Variants in ABCB1 observed in about 807,000 individuals in gnomAD.
ABCB1 encodes ATP binding cassette subfamily B member 1, also known as ATP-dependent translocase ABCB1.
A neutral mutation model predicts 142.0 loss-of-function variants in ABCB1; 69 were observed. That is an observed-to-expected ratio of 0.49 (90% confidence interval 0.40 to 0.59). The LOEUF (loss-of-function observed/expected upper bound fraction) is 0.59, where lower values mean the gene tolerates loss of function less well. Among genes scored for constraint, ABCB1 ranks in the 20% least tolerant of loss-of-function variants. The probability of loss-of-function intolerance (pLI) is 0.00; values close to 1 mark genes in which losing one functional copy is unlikely to be tolerated. For missense variants in ABCB1, 1,326 were observed against 1,554.7 expected (o/e 0.85, Z 2.47); for synonymous variants, 532 against 539.2 (o/e 0.99, Z 0.18).
intron 20 of ABCB1, 120 bp downstream of exon 20, chr7:87,536,338 A>C (rs948227044): frequency 5.9e-6 from 5 of 848,228 alleles, no homozygotes; most frequent in Non-Finnish European, 8.0e-6. Flanking sequence ...TTCGTAGGTT[A>C]GATATTTATT....
intron 20 of ABCB1, among the ~76,000 whole-genome samples, chr7:87,532,436 C>G (rs1221816241): frequency 1.3e-5 from 2 of 152,146 alleles, no homozygotes; most frequent in Admixed American, 6.6e-5. Flanking sequence ...GGTAAAGAAG[C>G]CAGCCAAATC....
chr7:87,521,175 T>C, intron 21 of ABCB1: 1 of 412,048 alleles, frequency 2.4e-6, no homozygotes, highest in Non-Finnish European at 4.5e-6. Context: ...ACCAGAGAAC[T>C]CACAGTACTT....
rs2117053615 is a variant in ABCB1, at chr7:87,504,392, G to A, written c.3694C>T (p.His1232Tyr). The stretch of plus-strand genomic sequence containing the variant: ...GCATTCTGGATGGTGGACAGGCGGT[G>A]AGCAATCACAATGCAGGTGCGGCCT... ...REGRTCIVIA[H>Y]RLSTIQNADL... The change falls in exon 28 of 28, where the codon CAC becomes TAC. Residue 1232 changes from histidine (H) to tyrosine (Y), a missense_variant. Physicochemically the swap from His to Tyr is moderately conservative, Grantham distance 83. Coordinates refer to ENST00000622132, the MANE Select transcript of ABCB1 (RefSeq NM_001348946.2). 6.2e-7 allele frequency: 1 copy of A among 1,614,132 alleles called. No homozygotes were observed. Among genetic ancestry groups the A allele is most frequent in the Non-Finnish European group, 8.5e-7 (1 of 1,179,990 alleles).
intron 7 of ABCB1, among the ~76,000 whole-genome samples, chr7:87,563,891 T>C (rs1335229941): frequency 1.3e-5 from 2 of 152,232 alleles, no homozygotes; most frequent in Non-Finnish European, 2.9e-5. Context: ...GAGGCCATTA[T>C]GCTTAGCAAA....
chr7:87,685,984 C>T (rs1231869993), intron 1 of ABCB1, among the ~76,000 whole-genome samples: 2 of 152,140 alleles, frequency 1.3e-5, no homozygotes, highest in East Asian at 3.9e-4. Flanking sequence ...AAGGAATACT[C>T]CTTTACCATC....
chr7:87,554,685 C>T lies in ABCB1; in HGVS notation c.828-753G>A, dbSNP rs28381875. 0.02 allele frequency among the ~76,000 whole-genome samples: 2,976 copies of T among 152,326 alleles called. 39 individuals are homozygous for T. Among genetic ancestry groups the T allele is most frequent in the African/African-American group, 0.032 (1,351 of 41,570 alleles). On this transcript the variant is annotated intron_variant, in intron 8 of 27. Coordinates refer to ENST00000622132, the MANE Select transcript of ABCB1 (RefSeq NM_001348946.2). Reference sequence around the variant, plus strand: ...TCCTTCCCTCTATTAATGCTCCCAACACTTGTCATGCCATAGCTGCCAGCT... The same window carrying T: ...TCCTTCCCTCTATTAATGCTCCCAATACTTGTCATGCCATAGCTGCCAGCT...
At chr7:87,684,767 A>AAAAG (rs1335438336) in intron 1 of ABCB1, among the ~76,000 whole-genome samples, 3 of 150,730 alleles carry the variant, frequency 2.0e-5, no homozygotes, top group Non-Finnish European at 4.4e-5. Flanking sequence ...AAAAAAAAAA[A>AAAAG]AAAAAAGAAT....
At chr7:87,665,438 GAC>G (rs2130479582) in intron 1 of ABCB1, among the ~76,000 whole-genome samples, 1 of 152,180 alleles carries the variant, frequency 6.6e-6, no homozygotes, top group South Asian at 2.1e-4. Context: ...AATTGTAGAA[GAC>G]ACAAATAAAT....
At chr7:87,632,486 C>T (rs975868937) in intron 1 of ABCB1, among the ~76,000 whole-genome samples, 1 of 152,066 alleles carries the variant, frequency 6.6e-6, no homozygotes, top group Non-Finnish European at 1.5e-5. Flanking sequence ...ATATTTTTCA[C>T]AGATTTTGGT....
At chr7:87,555,636 A>AC (rs1563050733) in intron 8 of ABCB1, among the ~76,000 whole-genome samples, 1 of 152,148 alleles carries the variant, frequency 6.6e-6, no homozygotes, top group South Asian at 2.1e-4. Context: ...ATTAGTTTCT[A>AC]CCCCCCAAAA....
intron 23 of ABCB1, chr7:87,519,110 T>C (rs1815374143): frequency 3.4e-6 from 2 of 594,802 alleles, no homozygotes; most frequent in Admixed American, 2.9e-5. Flanking sequence ...AGGTCAACTA[T>C]GTGTGAGCCA....
At chr7:87,600,955 C>G (rs923259366), upstream of ABCB1, 1 of 152,314 alleles carries the variant, frequency 6.6e-6, no homozygotes, top group African/African-American at 2.4e-5. Context: ...CTGTTCCTGC[C>G]CAGCCAATCA....
chr7:87,690,584 A>C (rs978752180), intron 1 of ABCB1, among the ~76,000 whole-genome samples: 1 of 152,184 alleles, frequency 6.6e-6, no homozygotes, highest in African/African-American at 2.4e-5. Context: ...AAGATGAAAA[A>C]TGCTGTATAA....
At chr7:87,626,293 TGTGTC>T (rs1820515763) in intron 1 of ABCB1, among the ~76,000 whole-genome samples, 2 of 48,848 alleles carry the variant, frequency 4.1e-5, no homozygotes, top group Non-Finnish European at 6.8e-5. Context: ...GTGTCATATA[TGTGTC>T]ATATATATGT....
intron 21 of ABCB1, among the ~76,000 whole-genome samples, chr7:87,527,388 G>A (rs961491697): frequency 6.6e-6 from 1 of 152,166 alleles, no homozygotes; most frequent in Admixed American, 6.5e-5. Context: ...TAGCTGCAGT[G>A]ATGGCTTTTA....
rs1470261666 is a variant in ABCB1 at position 87,554,340 on chromosome 7, A to AG, written c.828-409_828-408insC. Among the ~76,000 whole-genome samples the AG allele has an allele frequency of 2.6e-5, 4 of 151,828 alleles. 1 individual carries two copies. The highest frequency in any genetic ancestry group is 9.7e-5 in the African/African-American group (4 of 41,304). On this transcript the variant is annotated intron_variant, in intron 8 of 27. Transcript: ENST00000622132. ...AGAGATAATGTTAGAAAGTACTAAA[A>AG]AAAAAAAAAAGGGACAGTCATTTAA...
intron 1 of ABCB1, among the ~76,000 whole-genome samples, chr7:87,621,705 A>G (rs1014456442): frequency 1.3e-5 from 2 of 152,126 alleles, no homozygotes; most frequent in East Asian, 3.8e-4. Flanking sequence ...GTGAGAAAAT[A>G]TATTGACTGT....
chr7:87,581,374 T>C (rs1271427604), intron 4 of ABCB1, among the ~76,000 whole-genome samples: 1 of 152,142 alleles, frequency 6.6e-6, no homozygotes, highest in Non-Finnish European at 1.5e-5. Context: ...CAATCGCCTT[T>C]ATCTAGGATC....
At chr7:87,663,879 G>A (rs1159639805) in intron 1 of ABCB1, among the ~76,000 whole-genome samples, 1 of 152,102 alleles carries the variant, frequency 6.6e-6, no homozygotes, top group African/African-American at 2.4e-5. Context: ...CTCACTTGGT[G>A]GAGACAGAGA....
Sources: allele counts gnomAD v4.1 joint callset (sites outside exome capture counted in the v4.1 genomes callset), GRCh38; gene constraint gnomAD v4.1.1; transcripts MANE v1.5; gene names NCBI Gene and HGNC (gene_info 2026-07-23, HGNC 2026-07-21).